PRKAG2: variants seen among roughly 807,000 people sequenced by gnomAD.
PRKAG2 encodes the protein protein kinase AMP-activated non-catalytic subunit gamma 2.
In PRKAG2, 26 loss-of-function variants were observed where a neutral mutation model predicts 69.6. That is an observed-to-expected ratio of 0.37 (90% CI 0.27 to 0.52). The LOEUF (loss-of-function observed/expected upper bound fraction) is 0.52, where lower values mean the gene tolerates loss of function less well. Ranked by LOEUF, PRKAG2 falls within the 20% of genes least tolerant of loss-of-function variation. The pLI is 0.90. For missense variants in PRKAG2, 557 were observed against 740.0 expected, an observed-to-expected ratio of 0.75 and a Z score of 2.87; for synonymous variants, 293 against 285.0, an observed-to-expected ratio of 1.03 and a Z score of -0.28.
chr7:151,742,333 G>A (rs2073948817), intron 3 of PRKAG2, among the ~76,000 whole-genome samples: 1 of 152,170 alleles, frequency 6.6e-6, no homozygotes, highest in African/African-American at 2.4e-5. Flanking sequence ...GGCAAAAGAA[G>A]AAGCATGTTT....
At chr7:151,609,130 GTTGAA>G (rs1192161470) in intron 5 of PRKAG2, among the ~76,000 whole-genome samples, 3 of 152,176 alleles carry the variant, frequency 2.0e-5, no homozygotes. Context: ...AAAAAATGCA[GTTGAA>G]TTGAATAAGA....
Position 151,598,459 on chromosome 7 carries a change from A to G in PRKAG2, c.755-3005T>C, listed in dbSNP as rs1181349995. On this transcript the variant is annotated intron_variant, in intron 5 of 15. Transcript: ENST00000287878. ...GGAGGATTTTGAATGTTCCTGCCAT[A>G]AAGAAATGATACGTGTTTTAGGTGA... is the stretch of plus-strand genomic sequence containing the variant. 2.0e-5 allele frequency among the ~76,000 whole-genome samples: 3 copies of G among 152,216 alleles called. No individual in the cohort carries two copies. In the East Asian group the frequency reaches 5.8e-4, roughly 29 times the overall value.
intron 1 of PRKAG2, among the ~76,000 whole-genome samples, chr7:151,852,266 G>A (rs778781058): frequency 3.3e-5 from 5 of 152,138 alleles, no homozygotes; most frequent in South Asian, 2.1e-4. Context: ...TTTGGGAGGT[G>A]GGCAGATCAC....
chr7:151,740,406 C>T lies in PRKAG2; in HGVS notation c.466+40746G>A, dbSNP rs80053332. On this transcript the variant is annotated intron_variant, in intron 3 of 15. Coordinates refer to ENST00000287878, the MANE Select transcript of PRKAG2 (RefSeq NM_016203.4). The stretch of plus-strand genomic sequence containing the variant: ...CATCCTTCAGGCACAGCAGTGGCAG[C>T]AGCCCTGCTGATACGAACCCGAGTT... 6.4e-3 allele frequency among the ~76,000 whole-genome samples: 982 copies of T among 152,316 alleles called. 11 individuals carry two copies. Among genetic ancestry groups the T allele is most frequent in the East Asian group, 0.049 (254 of 5,172 alleles).
chr7:151,797,027 CA>C (rs1180950603), intron 1 of PRKAG2, among the ~76,000 whole-genome samples: 1 of 152,146 alleles, frequency 6.6e-6, no homozygotes, highest in Non-Finnish European at 1.5e-5. Flanking sequence ...ACTACCGACT[CA>C]AGGGAAAGGC....
In PRKAG2 at chr7:151,876,854, A is replaced by C; in HGVS notation, c.-234T>G. 1 of 580,104 alleles carries C rather than the reference A, an allele frequency of 1.7e-6. No homozygotes were observed. The highest frequency in any genetic ancestry group is 3.0e-5 in the East Asian group (1 of 33,764). 35.9% of individuals were successfully genotyped at this position (580,104 alleles called of 1,614,324 possible). A position where few individuals can be genotyped will look rare whatever the true frequency, so the allele number is the denominator to read the frequency against. ...GGAACCCTCGTAGGCAAATCAGTCA[A>C]AGCCCGTCCCGGTTCTGGTGTCTCC... On this transcript the variant is annotated 5_prime_UTR_variant, in exon 1 of 16. Transcript: ENST00000287878.
intron 3 of PRKAG2, among the ~76,000 whole-genome samples, chr7:151,681,800 C>G (rs1159997323): frequency 6.6e-6 from 1 of 152,040 alleles, no homozygotes; most frequent in Non-Finnish European, 1.5e-5. Flanking sequence ...TGGGGTATCA[C>G]CGAGAGAAAG....
At chr7:151,810,092 C>A (rs1034267798) in intron 1 of PRKAG2, 2 of 152,220 alleles carry the variant, frequency 1.3e-5, no homozygotes, top group Admixed American at 1.3e-4. Context: ...TTCCTTCCCA[C>A]TTTTTCTCTA....
In PRKAG2 at chr7:151,833,749, C is replaced by T. The variant is rs190625028; in HGVS notation, c.114+42758G>A. ...GAAAGGGGCAAAGGGGAGGTTGGCA[C>T]GAGGCAAGCCCAGAATCCAACTGGC... is the stretch of plus-strand genomic sequence containing the variant. On this transcript the variant is annotated intron_variant, in intron 1 of 15. Transcript: ENST00000287878. 4.2e-3 allele frequency among the ~76,000 whole-genome samples: 637 copies of T among 152,310 alleles called. 2 individuals carry two copies. The highest frequency in any genetic ancestry group is 6.9e-3 in the Non-Finnish European group (466 of 68,028).
In PRKAG2 at chr7:151,719,539, G is replaced by A. The variant is rs1473264988; in HGVS notation, c.467-43902C>T. Among the ~76,000 whole-genome samples, 3 of 152,088 alleles carry A rather than the reference G, an allele frequency of 2.0e-5. No homozygotes were observed. In the East Asian group the frequency reaches 5.8e-4, roughly 29 times the overall value. Reference sequence around the variant, plus strand: ...TCCAATCTTCCCTGCCACCGTGGCCGCAGGGGTCAGAAAGAAGATGCCCCC... The same window carrying A: ...TCCAATCTTCCCTGCCACCGTGGCCACAGGGGTCAGAAAGAAGATGCCCCC... On this transcript the variant is annotated intron_variant, in intron 3 of 15. Transcript: ENST00000287878. This position sits in a 1 kb window ranked among gnomAD's most constrained non-coding sequence, Gnocchi z 5.2.
intron 3 of PRKAG2, among the ~76,000 whole-genome samples, chr7:151,710,897 G>A (rs1670302018): frequency 1.3e-5 from 2 of 152,318 alleles, no homozygotes; most frequent in South Asian, 4.1e-4. Flanking sequence ...TGTCAGCAGT[G>A]CTGGGTCCAG....
chr7:151,703,848 ACAC>A (rs1563476089), intron 3 of PRKAG2, among the ~76,000 whole-genome samples: 4 of 21,310 alleles, frequency 1.9e-4, no homozygotes, highest in South Asian at 1.5e-3. Context: ...ACTGGAAAAC[ACAC>A]ACACACACAC....
At chr7:151,802,112 A>G (rs2077870992) in intron 1 of PRKAG2, among the ~76,000 whole-genome samples, 2 of 152,140 alleles carry the variant, frequency 1.3e-5, no homozygotes, top group Admixed American at 6.5e-5. Context: ...AGGGTTTGGG[A>G]TCTTTCTTTC....
At chr7:151,748,840 A>C (rs1586260078) in intron 3 of PRKAG2, among the ~76,000 whole-genome samples, 1 of 152,284 alleles carries the variant, frequency 6.6e-6, no homozygotes, top group African/African-American at 2.4e-5. Flanking sequence ...GTGCCGTGCC[A>C]CCTGGCCTTC....
intron 3 of PRKAG2, among the ~76,000 whole-genome samples, chr7:151,762,175 GA>G (rs1293026176): frequency 6.6e-6 from 1 of 152,200 alleles, no homozygotes; most frequent in Non-Finnish European, 1.5e-5. Context: ...GACTTAGCGG[GA>G]GAAGGGGCCC....
rs2151920619 is a variant in PRKAG2 at position 151,876,729 on chromosome 7, A to C, written c.-109T>G. On this transcript the variant is annotated 5_prime_UTR_variant, in exon 1 of 16. Transcript: ENST00000287878. ...GAGCCGCGCGCTCTGTTACACCCTG[A>C]AGCCACCTCGTGGGGACTTCCGCGG... is the stretch of plus-strand genomic sequence containing the variant. 9.3e-7 allele frequency: 1 copy of C among 1,074,292 alleles called. No homozygotes were observed. Among genetic ancestry groups the C allele is most frequent in the Non-Finnish European group, 1.4e-6 (1 of 722,044 alleles). 66.5% of individuals were successfully genotyped at this position (1,074,292 alleles called of 1,614,324 possible).
At chr7:151,874,132 A>G (rs1278697615) in intron 1 of PRKAG2, among the ~76,000 whole-genome samples, 1 of 142,390 alleles carries the variant, frequency 7.0e-6, no homozygotes, top group Non-Finnish European at 1.5e-5. Context: ...TATATGATGT[A>G]TATGTATATA....
At chr7:151,832,462 T>C (rs1472423717) in intron 1 of PRKAG2, among the ~76,000 whole-genome samples, 1 of 151,304 alleles carries the variant, frequency 6.6e-6, no homozygotes, top group African/African-American at 2.4e-5. Flanking sequence ...GTGGGAGGCG[T>C]GGGAGGCTGT....
intron 6 of PRKAG2, among the ~76,000 whole-genome samples, chr7:151,594,025 A>C (rs1813841373): frequency 1.3e-5 from 2 of 152,194 alleles, no homozygotes; most frequent in Admixed American, 1.3e-4. Flanking sequence ...GAACAGAAGC[A>C]GGCCACACCT....
Sources: gnomAD v4.1 joint callset for allele counts (sites outside exome capture counted in the v4.1 genomes callset) on GRCh38, gnomAD v4.1.1 for gene constraint, Gnocchi (gnomAD v3.1) non-coding constraint, MANE v1.5 for transcripts, NCBI Gene and HGNC (gene_info 2026-07-23, HGNC 2026-07-21) for gene names.